The following ZNF607 variants were observed in gnomAD, a reference collection of about 807,000 sequenced individuals.
ZNF607 encodes the protein zinc finger protein 607.
ZNF607 carries 5 observed loss-of-function variants against 12.8 expected under a neutral mutation model. The observed-to-expected ratio is 0.39, with a 90% CI of 0.20 to 0.82. ZNF607 has a LOEUF of 0.82. ZNF607 is among the 40% of genes least tolerant of loss of function. The pLI, the probability that ZNF607 is intolerant of heterozygous loss-of-function variation, is 0.39. For synonymous variants in ZNF607, 287 were observed against 276.2 expected (o/e 1.04, Z -0.39); for missense variants, 851 against 859.2 (o/e 0.99, Z 0.12).
chr19:37,719,627 C>T lies in ZNF607; in HGVS notation c.-433G>A, dbSNP rs928879253. On this transcript the variant is annotated 5_prime_UTR_variant, in exon 1 of 5. Transcript: ENST00000355202. ...TGCCTTTGTAATATGTAGTCCAAGC[C>T]AGAACAGTCAGGACCGCAGGTACCG... 6.6e-6 allele frequency: 1 copy of T among 152,312 alleles called. No individual in the cohort carries two copies. The highest frequency in any genetic ancestry group is 1.9e-4 in the East Asian group (1 of 5,204). The allele number at this position is 152,312 out of a possible 1,614,324, so 9.4% of individuals were successfully genotyped here. A position where few individuals can be genotyped will look rare whatever the true frequency, so the allele number is the denominator to read the frequency against.
intron 4 of ZNF607, among the ~76,000 whole-genome samples, chr19:37,702,041 T>G (rs1220938981): frequency 6.6e-6 from 1 of 152,124 alleles, no homozygotes; most frequent in East Asian, 1.9e-4. Flanking sequence ...ATCCCAGCAC[T>G]TTGGGAGGCT....
intron 1 of ZNF607, among the ~76,000 whole-genome samples, chr19:37,714,360 AGCAG>A (rs2045157647): frequency 2.6e-5 from 4 of 151,474 alleles, no homozygotes; most frequent in African/African-American, 9.7e-5. Context: ...CAGCAGCAGC[AGCAG>A]CAACAACAAA....
At chr19:37,703,473 T>C (rs527544770) in intron 4 of ZNF607, among the ~76,000 whole-genome samples, 11 of 152,242 alleles carry the variant, frequency 7.2e-5, no homozygotes, top group African/African-American at 2.6e-4. Flanking sequence ...GGATGGCTAC[T>C]GGTAAAAACA....
At chr19:37,711,218 A>T (rs1325576724) in intron 2 of ZNF607, among the ~76,000 whole-genome samples, 1 of 152,234 alleles carries the variant, frequency 6.6e-6, no homozygotes, top group Non-Finnish European at 1.5e-5. Flanking sequence ...TGAAAAATTC[A>T]GATGTCTGGA....
At chr19:37,713,057 C>T (rs2045145371) in intron 1 of ZNF607, among the ~76,000 whole-genome samples, 1 of 151,846 alleles carries the variant, frequency 6.6e-6, no homozygotes. Flanking sequence ...CTCTAGATAG[C>T]TGCTGAATTT....
At chr19:37,714,075 C>T (rs1482293764) in intron 1 of ZNF607, among the ~76,000 whole-genome samples, 1 of 151,850 alleles carries the variant, frequency 6.6e-6, no homozygotes, top group Non-Finnish European at 1.5e-5. Flanking sequence ...AATCCCAGCA[C>T]TTTGGGAGGC....
intron 1 of ZNF607, among the ~76,000 whole-genome samples, chr19:37,716,993 G>A (rs2045181160): frequency 6.6e-6 from 1 of 152,090 alleles, no homozygotes; most frequent in African/African-American, 2.4e-5. Flanking sequence ...TTCCTTAGTG[G>A]ACAGGGAAAT....
chr19:37,713,825 G>A (rs1035775308), intron 1 of ZNF607, among the ~76,000 whole-genome samples: 7 of 151,988 alleles, frequency 4.6e-5, no homozygotes, highest in African/African-American at 1.2e-4. Flanking sequence ...CAACCAATAC[G>A]TACAATACAT....
At chr19:37,709,238 C>A (rs572192625) in intron 3 of ZNF607, among the ~76,000 whole-genome samples, 2 of 152,170 alleles carry the variant, frequency 1.3e-5, no homozygotes, top group African/African-American at 4.8e-5. Flanking sequence ...TCCAGTCCAC[C>A]ACTCTATGCC....
At chr19:37,712,959 G>A (rs1339555088) in intron 1 of ZNF607, among the ~76,000 whole-genome samples, 1 of 152,112 alleles carries the variant, frequency 6.6e-6, no homozygotes, top group Non-Finnish European at 1.5e-5. Flanking sequence ...TCTGTGAATG[G>A]ATGATGGTCT....
chr19:37,705,893 A>C (rs2045078884), intron 4 of ZNF607, among the ~76,000 whole-genome samples: 1 of 151,788 alleles, frequency 6.6e-6, no homozygotes. Context: ...TCAATAACCC[A>C]AACACTTCCT....
chr19:37,708,844 CAAAA>C (rs745832713), intron 3 of ZNF607, among the ~76,000 whole-genome samples: 12 of 111,364 alleles, frequency 1.1e-4, no homozygotes, highest in East Asian at 3.0e-4. Flanking sequence ...GACTCTGTCT[CAAAA>C]AAAAAAAAAA....
Position 37,698,471 on chromosome 19 carries a change from T to C in ZNF607, c.1660A>G (p.Ile554Val). ...FISVLKAHQNIHSAEKPYECK... is the reference protein window; with the variant it reads ...FISVLKAHQNVHSAEKPYECK... ...TCGTAGGGTTTCTCAGCGCTATGAA[T>C]ATTCTGATGGGCTTTAAGTACAGAA... Residue 554 changes from isoleucine to valine, a missense_variant, in exon 5 of 5, where the codon ATT (isoleucine) becomes GTT (valine). By Grantham distance (29) the Ile-to-Val change is conservative. Coordinates refer to ENST00000355202, the MANE Select transcript of ZNF607 (RefSeq NM_032689.5). 1 of 1,614,090 alleles carries C rather than the reference T, an allele frequency of 6.2e-7. No homozygotes were observed. The highest frequency in any genetic ancestry group is 8.5e-7 in the Non-Finnish European group (1 of 1,180,012).
At chr19:37,703,652 T>C (rs560915302) in intron 4 of ZNF607, among the ~76,000 whole-genome samples, 122 of 152,270 alleles carry the variant, frequency 8.0e-4, no homozygotes, top group Middle Eastern at 3.4e-3. Context: ...GCTATATTAA[T>C]ATCAGACAAC....
Position 37,698,983 on chromosome 19 carries a change from T to G in ZNF607, c.1148A>C (p.His383Pro). Reference sequence around the variant, plus strand: ...TTTCTTACCACTATGAATACCCTGATGTCGAGTAAGTCGTCCATGCACACT... The same window carrying G: ...TTTCTTACCACTATGAATACCCTGAGGTCGAGTAAGTCGTCCATGCACACT... Reference protein sequence around the residue: ...AFSVHGRLTRHQGIHSGKKPY... With the variant: ...AFSVHGRLTRPQGIHSGKKPY... The change falls in exon 5 of 5, where the codon CAT (histidine) becomes CCT (proline). Residue 383 changes from histidine (H) to proline (P), a missense_variant. Transcript: ENST00000355202. 1 of 1,614,058 alleles carries G rather than the reference T, an allele frequency of 6.2e-7. No homozygotes were observed. The highest frequency in any genetic ancestry group is 8.5e-7 in the Non-Finnish European group (1 of 1,180,002).
Position 37,719,405 on chromosome 19 carries a change from A to C in ZNF607, c.-211T>G, listed in dbSNP as rs2045204822. On this transcript the variant is annotated 5_prime_UTR_variant, in exon 1 of 5. Transcript: ENST00000355202. Reference sequence around the variant, plus strand: ...AGCTCCAGCACCCTAGGGCCTGAGGAGGCGGGAGACTCGCCCGGCCCGCCT... The same window carrying C: ...AGCTCCAGCACCCTAGGGCCTGAGGCGGCGGGAGACTCGCCCGGCCCGCCT... 6.6e-6 allele frequency: 1 copy of C among 152,642 alleles called. No individual in the cohort carries two copies. Among genetic ancestry groups the C allele is most frequent in the Non-Finnish European group, 1.5e-5 (1 of 68,092 alleles). The allele number at this position is 152,642 out of a possible 1,614,324, so 9.5% of individuals were successfully genotyped here.
chr19:37,708,289 A>G (rs910316539), intron 3 of ZNF607, among the ~76,000 whole-genome samples: 3 of 149,748 alleles, frequency 2.0e-5, no homozygotes, highest in Non-Finnish European at 3.0e-5. Flanking sequence ...TCCGCCTCCC[A>G]GGTTAAAGTG....
chr19:37,716,543 A>T (rs533361460), intron 1 of ZNF607, among the ~76,000 whole-genome samples: 1 of 152,370 alleles, frequency 6.6e-6, no homozygotes, highest in South Asian at 2.1e-4. Flanking sequence ...TGGTTGGGTT[A>T]GATTCCTTTT....
chr19:37,717,737 C>G (rs1430441178), intron 1 of ZNF607, among the ~76,000 whole-genome samples: 2 of 135,086 alleles, frequency 1.5e-5, no homozygotes, highest in African/African-American at 5.5e-5. Context: ...ACCCGGGAGG[C>G]GGAGGTTGCA....
Sources: gnomAD v4.1 joint callset for allele counts (sites outside exome capture counted in the v4.1 genomes callset) on GRCh38, gnomAD v4.1.1 for gene constraint, MANE v1.5 for transcripts, NCBI Gene and HGNC (gene_info 2026-07-23, HGNC 2026-07-21) for gene names.